The following C10orf71 variants were observed in gnomAD, a reference collection of about 807,000 sequenced individuals.
C10orf71 encodes chromosome 10 open reading frame 71, also known as cardiac-enriched FHL2-interacting protein.
For synonymous variants in C10orf71, 758 were observed against 726.3 expected (o/e 1.04, Z -0.70); for missense variants, 1,869 against 1,804.5 (o/e 1.04, Z -0.65).
upstream of C10orf71, among the ~76,000 whole-genome samples, chr10:49,297,247 C>T (rs1465993059): frequency 6.6e-6 from 1 of 152,176 alleles, no homozygotes; most frequent in Admixed American, 6.5e-5. Context: ...TTACTCACAC[C>T]CCAAAGCAAA....
At chr10:49,318,988 G>T (rs941509151) in intron 2 of C10orf71, among the ~76,000 whole-genome samples, 2 of 152,306 alleles carry the variant, frequency 1.3e-5, no homozygotes, top group Non-Finnish European at 2.9e-5. Flanking sequence ...AGTGACTAAG[G>T]CCAGCCAAGC....
chr10:49,326,721 C>CT lies in C10orf71; in HGVS notation c.4176_4177insT (p.Thr1393TyrfsTer32), dbSNP rs756563556. 6.2e-5 allele frequency: 96 copies of CT among 1,551,100 alleles called. 1 individual carries two copies. In the South Asian group the frequency reaches 9.2e-4, roughly 15 times the overall value. On this transcript the variant is annotated frameshift_variant, in exon 3 of 3. Transcript: ENST00000374144. LOFTEE classifies it low-confidence loss of function (END_TRUNC). ...TGGACCCAGGGCCTCACGGTGACTGCACCCCGCACTCTGCAGGCCAGCGCC... is the reference window on the plus strand; with the variant it reads ...TGGACCCAGGGCCTCACGGTGACTGCTACCCCGCACTCTGCAGGCCAGCGCC...
intron 1 of C10orf71, among the ~76,000 whole-genome samples, chr10:49,311,785 C>A (rs1023100295): frequency 1.3e-5 from 2 of 152,134 alleles, no homozygotes; most frequent in African/African-American, 4.8e-5. Flanking sequence ...GGGTCCTGCC[C>A]CTCCCTGGCA....
At position 49,325,016 on chromosome 10, in the gene C10orf71, G is replaced by A. The variant is rs1234268564; in HGVS notation, c.2471G>A (p.Gly824Asp). 20 of 1,551,454 alleles carry A rather than the reference G, an allele frequency of 1.3e-5. No homozygotes were observed. The Admixed American group carries it at 3.9e-4, about 30-fold the overall frequency. The change falls in exon 3 of 3, where the codon GGC (glycine) becomes GAC (aspartate). Residue 824 changes from glycine to aspartate, a missense_variant. By Grantham distance (94) the Gly-to-Asp change is moderately conservative. Transcript: ENST00000374144. ...KASAEEANFR[G>D]SWIGENKGTT... is the part of the protein sequence containing the mutation. ...TCAGCAGAGGAAGCTAATTTCAGAG[G>A]CTCTTGGATTGGGGAAAATAAGGGC... is the stretch of plus-strand genomic sequence containing the variant.
chr10:49,324,520 G>T lies in C10orf71; in HGVS notation c.1975G>T (p.Ala659Ser). 13 of 1,612,774 alleles carry T rather than the reference G, an allele frequency of 8.1e-6. No homozygotes were observed. Among genetic ancestry groups the T allele is most frequent in the South Asian group, 1.1e-5 (1 of 90,910 alleles). Reference sequence around the variant, plus strand: ...CAATAGGGATCCTGAGCCTGGAGGGGCTACAGAGAAAATGAAGACCCACCA... The same window carrying T: ...CAATAGGGATCCTGAGCCTGGAGGGTCTACAGAGAAAATGAAGACCCACCA... ...LCNRDPEPGG[A>S]TEKMKTHQLE... The change falls in exon 3 of 3, where the codon GCT becomes TCT. Residue 659 changes from alanine (A) to serine (S), a missense_variant. Transcript: ENST00000374144.
intron 2 of C10orf71, among the ~76,000 whole-genome samples, chr10:49,318,759 C>T (rs1449088024): frequency 6.6e-6 from 1 of 152,232 alleles, no homozygotes; most frequent in African/African-American, 2.4e-5. Flanking sequence ...CTCCTGGAAC[C>T]TTGCAGTGAG....
In C10orf71 at chr10:49,323,283, T is replaced by C. The variant is rs1270747558; in HGVS notation, c.738T>C (p.Cys246=). 1.9e-6 allele frequency: 3 copies of C among 1,613,790 alleles called. No individual in the cohort carries two copies. The highest frequency in any genetic ancestry group is 1.7e-5 in the Admixed American group (1 of 59,992). The part of the protein sequence containing the change: ...LPAANDTATL[C]ESKFPSPHHK... ...CAGCCAATGACACGGCCACCTTATG[T>C]GAGTCAAAGTTCCCCTCTCCACACC... The change falls in exon 3 of 3, where the codon TGT becomes TGC. Residue 246 remains cysteine (C), a synonymous_variant. Transcript: ENST00000374144.
intron 2 of C10orf71, among the ~76,000 whole-genome samples, chr10:49,320,200 G>A (rs1332576203): frequency 6.6e-6 from 1 of 152,216 alleles, no homozygotes; most frequent in Non-Finnish European, 1.5e-5. Context: ...GAGTCCCCAG[G>A]GATGTAGAGT....
At chr10:49,306,036 C>T (rs1848806907) in intron 1 of C10orf71, among the ~76,000 whole-genome samples, 1 of 152,240 alleles carries the variant, frequency 6.6e-6, no homozygotes, top group Non-Finnish European at 1.5e-5. Context: ...TTTCTTACTA[C>T]ATGTAGAGGA....
In C10orf71 at chr10:49,327,064, T is replaced by C. The variant is rs772806749; in HGVS notation, c.*211T>C. ...AAAGGGCTCCCTGGCTCTCCTCTGA[T>C]GGAGGGGCACTGCTTGCTTGGCCCG... On this transcript the variant is annotated 3_prime_UTR_variant, in exon 3 of 3. Coordinates refer to ENST00000374144, the MANE Select transcript of C10orf71 (RefSeq NM_001135196.2). The C allele has an allele frequency of 2.7e-6, 4 of 1,508,996 alleles. No individual in the cohort carries two copies. The highest frequency in any genetic ancestry group is 3.6e-6 in the Non-Finnish European group (4 of 1,118,992). 93.5% of individuals were successfully genotyped at this position (1,508,996 alleles called of 1,614,324 possible).
intron 1 of C10orf71, among the ~76,000 whole-genome samples, 177 bp from the exon 2 acceptor site, chr10:49,315,968 A>C (rs1444148335): frequency 1.4e-4 from 21 of 152,192 alleles, no homozygotes; most frequent in Admixed American, 1.3e-3. Context: ...AGGAAGGAGA[A>C]TTGCTTGAAC....
At chr10:49,320,775 G>T (rs951691157) in intron 2 of C10orf71, among the ~76,000 whole-genome samples, 1 of 152,144 alleles carries the variant, frequency 6.6e-6, no homozygotes, top group Non-Finnish European at 1.5e-5. Flanking sequence ...GTGAAGGCTG[G>T]CAAGTCCAAA....
rs1253412685 is a variant in C10orf71 at position 49,323,146 on chromosome 10, G to A, written c.601G>A (p.Glu201Lys). The change falls in exon 3 of 3, where the codon GAA (glutamate) becomes AAA (lysine). Residue 201 changes from glutamate to lysine, a missense_variant. By Grantham distance (56) the Glu-to-Lys change is moderately conservative. Transcript: ENST00000374144. ...AFLTVRRVPA[E>K]VSNTHQNSYQ... ...TCTGACAGTCAGGAGGGTGCCCGCT[G>A]AAGTTTCCAACACCCATCAGAACAG... The A allele has an allele frequency of 1.9e-6, 3 of 1,613,962 alleles. No homozygotes were observed. The highest frequency in any genetic ancestry group is 2.5e-6 in the Non-Finnish European group (3 of 1,179,892).
At chr10:49,317,916 G>A (rs1487966529) in intron 2 of C10orf71, among the ~76,000 whole-genome samples, 6 of 152,166 alleles carry the variant, frequency 3.9e-5, no homozygotes, top group Admixed American at 1.3e-4. Flanking sequence ...CAAGCATAGA[G>A]GGAAGATGAT....
At chr10:49,312,398 T>C (rs1268861885) in intron 1 of C10orf71, among the ~76,000 whole-genome samples, 1 of 152,234 alleles carries the variant, frequency 6.6e-6, no homozygotes, top group Non-Finnish European at 1.5e-5. Context: ...CTGCAGAACA[T>C]GGCGCTGTTG....
rs762398170 is a variant in C10orf71 at position 49,327,115 on chromosome 10, G to T, written c.*262G>T. The T allele has an allele frequency of 4.0e-6, 5 of 1,253,922 alleles. No individual in the cohort carries two copies. The highest frequency in any genetic ancestry group is 2.9e-5 in the South Asian group (2 of 69,952). 77.7% of individuals were successfully genotyped at this position (1,253,922 alleles called of 1,614,324 possible). On this transcript the variant is annotated 3_prime_UTR_variant, in exon 3 of 3. Transcript: ENST00000374144. ...GTCCCCTCCGTGCCAGTTCCCAGGC[G>T]CACTCTACTCCAGCCCTTCTCCCTC... is the stretch of plus-strand genomic sequence containing the variant.
At chr10:49,301,262 G>A (rs1848724082) in intron 1 of C10orf71, among the ~76,000 whole-genome samples, 1 of 152,154 alleles carries the variant, frequency 6.6e-6, no homozygotes, top group South Asian at 2.1e-4. Flanking sequence ...TCCCCAACAG[G>A]GTCCATCGAG....
intron 1 of C10orf71, among the ~76,000 whole-genome samples, chr10:49,307,270 G>A (rs1251664970): frequency 1.3e-5 from 2 of 152,244 alleles, no homozygotes; most frequent in African/African-American, 4.8e-5. Flanking sequence ...GAAGCCAAGG[G>A]CTCTTTGCTT....
intron 2 of C10orf71, among the ~76,000 whole-genome samples, chr10:49,317,632 C>G (rs1242398176): frequency 1.3e-5 from 2 of 152,112 alleles, no homozygotes; most frequent in African/African-American, 2.4e-5. Context: ...GGACAGATTA[C>G]TTGAGCCTGG....
Sources: allele counts gnomAD v4.1 joint callset (sites outside exome capture counted in the v4.1 genomes callset), GRCh38; gene constraint gnomAD v4.1.1; transcripts MANE v1.5; gene names NCBI Gene and HGNC (gene_info 2026-07-23, HGNC 2026-07-21).